The following CAMKMT variants were observed in gnomAD, a reference collection of about 807,000 sequenced individuals.
CAMKMT encodes the protein calmodulin-lysine N-methyltransferase.
In CAMKMT, 53 loss-of-function variants were observed where a neutral mutation model predicts 48.0. That is an observed-to-expected ratio of 1.10 (90% confidence interval 0.89 to 1.39). CAMKMT has a LOEUF of 1.39. Among genes scored for constraint, CAMKMT ranks in the 40% most tolerant of loss-of-function variants. The pLI is 0.00. For synonymous variants in CAMKMT, 165 were observed against 152.3 expected, an observed-to-expected ratio of 1.08 and a Z score of -0.61; for missense variants, 428 against 402.7, an observed-to-expected ratio of 1.06 and a Z score of -0.54.
chr2:44,699,967 TTGTC>T (rs1422433368), intron 3 of CAMKMT, among the ~76,000 whole-genome samples: 1 of 152,196 alleles, frequency 6.6e-6, no homozygotes, highest in East Asian at 1.9e-4. Context: ...CTTCCAATGT[TTGTC>T]TGCATTGAAA....
chr2:44,705,228 A>G, intron 4 of CAMKMT: 4 of 316,546 alleles, frequency 1.3e-5, no homozygotes, highest in Non-Finnish European at 1.8e-5. Flanking sequence ...GTTTTGAAAT[A>G]TTAATGTCCT....
chr2:44,381,220 A>G (rs1680211742), intron 2 of CAMKMT, among the ~76,000 whole-genome samples: 1 of 152,146 alleles, frequency 6.6e-6, no homozygotes, highest in Non-Finnish European at 1.5e-5. Context: ...TTGAAATCAA[A>G]TTTTTTATTT....
At chr2:44,498,310 A>C (rs1168032777) in intron 3 of CAMKMT, among the ~76,000 whole-genome samples, 4 of 152,212 alleles carry the variant, frequency 2.6e-5, no homozygotes, top group African/African-American at 9.6e-5. Context: ...GTGATGACCC[A>C]TGTCAAATAA....
intron 10 of CAMKMT, among the ~76,000 whole-genome samples, chr2:44,768,361 A>ATTTTT (rs1553448674): frequency 1.0e-4 from 12 of 115,722 alleles, no homozygotes; most frequent in African/African-American, 3.3e-4. Flanking sequence ...ATATATATAT[A>ATTTTT]TTTTTTTTTT....
chr2:44,629,363 G>A, intron 3 of CAMKMT, among the ~76,000 whole-genome samples: 1 of 151,590 alleles, frequency 6.6e-6, no homozygotes. Flanking sequence ...GTGTGCACAT[G>A]GCATATCTCT....
chr2:44,621,848 T>G (rs1036003259), intron 3 of CAMKMT, among the ~76,000 whole-genome samples: 10 of 152,088 alleles, frequency 6.6e-5, no homozygotes, highest in Non-Finnish European at 1.3e-4. Context: ...AGGACAAGAG[T>G]AAAATGGGGA....
intron 3 of CAMKMT, among the ~76,000 whole-genome samples, chr2:44,563,827 A>T (rs987713484): frequency 9.9e-5 from 15 of 152,208 alleles, no homozygotes; most frequent in African/African-American, 3.6e-4. Flanking sequence ...ATGGCTGCAT[A>T]GTATTCCGTG....
intron 3 of CAMKMT, among the ~76,000 whole-genome samples, chr2:44,417,415 G>A (rs1067384): frequency 0.75 from 114,387 of 152,086 alleles, 44,177 homozygotes; most frequent in African/African-American, 0.89. Context: ...AAATAAAAAT[G>A]AAAAATAAAT....
chr2:44,523,770 AT>A (rs70937920), intron 3 of CAMKMT, among the ~76,000 whole-genome samples: 1,568 of 89,840 alleles, frequency 0.017, 3 homozygotes, highest in Non-Finnish European at 0.022. Context: ...GAGAGCGAGC[AT>A]TTTTTTTTTT....
At chr2:44,551,386 G>A (rs1031637369) in intron 3 of CAMKMT, among the ~76,000 whole-genome samples, 1 of 152,150 alleles carries the variant, frequency 6.6e-6, no homozygotes, top group African/African-American at 2.4e-5. Context: ...AAGTTCTAAA[G>A]GGAATTGTGC....
At chr2:44,487,283 A>G (rs189719909) in intron 3 of CAMKMT, among the ~76,000 whole-genome samples, 1 of 152,220 alleles carries the variant, frequency 6.6e-6, no homozygotes, top group African/African-American at 2.4e-5. Context: ...CATAGAGCTT[A>G]GTGATATTTT....
intron 3 of CAMKMT, among the ~76,000 whole-genome samples, chr2:44,661,114 T>C (rs557926664): frequency 6.6e-6 from 1 of 152,244 alleles, no homozygotes; most frequent in Admixed American, 6.5e-5. Context: ...CTTTATACCA[T>C]TCAATAATGA....
At chr2:44,741,319 G>A (rs1429856858) in intron 7 of CAMKMT, among the ~76,000 whole-genome samples, 1 of 152,238 alleles carries the variant, frequency 6.6e-6, no homozygotes, top group African/African-American at 2.4e-5. Context: ...GGAGTGAACA[G>A]TGAACTCACC....
chr2:44,474,830 A>T (rs1406329778), intron 3 of CAMKMT, among the ~76,000 whole-genome samples: 1 of 152,290 alleles, frequency 6.6e-6, no homozygotes, highest in East Asian at 1.9e-4. Context: ...GCAATTCTCT[A>T]TTTCCGTTTT....
intron 2 of CAMKMT, among the ~76,000 whole-genome samples, chr2:44,373,388 G>C (rs577378151): frequency 1.2e-4 from 18 of 152,222 alleles, no homozygotes; most frequent in African/African-American, 4.3e-4. Context: ...GGACTGTTCT[G>C]ACTTTAAAAA....
intron 3 of CAMKMT, among the ~76,000 whole-genome samples, chr2:44,450,214 C>T (rs114722024): frequency 0.034 from 5,115 of 152,234 alleles, 281 homozygotes; most frequent in African/African-American, 0.12. Flanking sequence ...ATAATGCTGA[C>T]TTACACTGCG....
At chr2:44,645,207 A>G (rs17032481) in intron 3 of CAMKMT, among the ~76,000 whole-genome samples, 90,823 of 152,110 alleles carry the variant, frequency 0.6, 28,008 homozygotes, top group Admixed American at 0.68. Flanking sequence ...GAAGGAAACA[A>G]GAATAATGTA....
At chr2:44,451,900 A>G (rs1304940970) in intron 3 of CAMKMT, among the ~76,000 whole-genome samples, 1 of 151,870 alleles carries the variant, frequency 6.6e-6, no homozygotes, top group African/African-American at 2.4e-5. Context: ...CAATAGCCAA[A>G]AACCTTATTC....
intron 3 of CAMKMT, among the ~76,000 whole-genome samples, chr2:44,493,256 C>G (rs1669600707): frequency 6.6e-6 from 1 of 152,040 alleles, no homozygotes; most frequent in South Asian, 2.1e-4. Flanking sequence ...ACTTTGAATC[C>G]TAAAAAAGTT....
Sources: gnomAD v4.1 joint callset for allele counts (sites outside exome capture counted in the v4.1 genomes callset) on GRCh38, gnomAD v4.1.1 for gene constraint, MANE v1.5 for transcripts, NCBI Gene and HGNC (gene_info 2026-07-23, HGNC 2026-07-21) for gene names.